The following TSHR variants were observed in gnomAD, a reference collection of about 807,000 sequenced individuals.
TSHR encodes thyrotropin receptor.
Under a neutral mutation model 64.1 loss-of-function variants are expected in TSHR, and 51 were observed. The observed-to-expected ratio is 0.80, with a 90% CI of 0.64 to 1.01. The LOEUF (loss-of-function observed/expected upper bound fraction) is 1.01. TSHR is among the 50% of genes least tolerant of loss of function. The pLI is 0.00. For synonymous variants in TSHR, 361 were observed against 361.9 expected (o/e 1.00, Z 0.03); for missense variants, 877 against 942.8 (o/e 0.93, Z 0.91).
At chr14:81,102,224 G>A (rs1032141015) in intron 7 of TSHR, among the ~76,000 whole-genome samples, 1 of 151,200 alleles carries the variant, frequency 6.6e-6, no homozygotes, top group African/African-American at 2.4e-5. Context: ...AATATTATTA[G>A]AGGATCTGCT....
chr14:80,975,591 C>A (rs1468574290), intron 1 of TSHR, among the ~76,000 whole-genome samples: 1 of 152,184 alleles, frequency 6.6e-6, no homozygotes, highest in Non-Finnish European at 1.5e-5. Context: ...GATTTTTTTA[C>A]TCCCCATTCA....
chr14:81,061,178 C>T (rs886568094), intron 1 of TSHR, among the ~76,000 whole-genome samples: 1 of 152,056 alleles, frequency 6.6e-6, no homozygotes, highest in East Asian at 1.9e-4. Context: ...AGGTAGTAAC[C>T]ATGCTACTAT....
At chr14:81,064,184 C>T (rs1886440054) in intron 2 of TSHR, among the ~76,000 whole-genome samples, 1 of 151,866 alleles carries the variant, frequency 6.6e-6, no homozygotes, top group African/African-American at 2.4e-5. Flanking sequence ...AGGCTGTAGG[C>T]AGGAAGCTAG....
At chr14:81,077,754 G>C (rs927402214) in intron 3 of TSHR, among the ~76,000 whole-genome samples, 1 of 151,932 alleles carries the variant, frequency 6.6e-6, no homozygotes, top group Non-Finnish European at 1.5e-5. Context: ...TCTGTTCTTT[G>C]TTCCTTTATT....
chr14:80,962,253 A>G (rs895985758), intron 1 of TSHR, among the ~76,000 whole-genome samples: 5 of 152,376 alleles, frequency 3.3e-5, no homozygotes, highest in Admixed American at 6.5e-5. Flanking sequence ...CATGTTAAAG[A>G]TTTTAATGAA....
intron 8 of TSHR, among the ~76,000 whole-genome samples, chr14:81,126,910 C>T (rs901867186): frequency 6.6e-6 from 1 of 152,208 alleles, no homozygotes; most frequent in African/African-American, 2.4e-5. Flanking sequence ...ACACACTCTT[C>T]TCAATTTTGG....
At chr14:81,141,978 C>T (rs955241510) in intron 9 of TSHR, among the ~76,000 whole-genome samples, 2 of 152,150 alleles carry the variant, frequency 1.3e-5, no homozygotes, top group African/African-American at 2.4e-5. Flanking sequence ...GAAATAGTCA[C>T]TCCCATTGTC....
At chr14:80,990,290 G>A (rs1028415716) in intron 1 of TSHR, among the ~76,000 whole-genome samples, 16 of 152,330 alleles carry the variant, frequency 1.1e-4, no homozygotes, top group African/African-American at 3.4e-4. Flanking sequence ...ATCCAAGCAA[G>A]GTATCTGTGG....
intron 1 of TSHR, among the ~76,000 whole-genome samples, chr14:81,002,781 C>CTTTT (rs1174635270): frequency 1.4e-4 from 6 of 44,326 alleles, no homozygotes; most frequent in East Asian, 2.0e-3. Flanking sequence ...CCTAATGCCT[C>CTTTT]TTTTTTTTTT....
rs770031421 is a variant in TSHR at position 81,096,648 on chromosome 14, C to T, written c.555C>T (p.Tyr185=). 2 of 1,613,706 alleles carry T rather than the reference C, an allele frequency of 1.2e-6. No homozygotes were observed. Among genetic ancestry groups the T allele is most frequent in the South Asian group, 1.1e-5 (1 of 91,078 alleles). ...LCNETLTLKL[Y]NNGFTSVQGY... ...TCTCTGTTGGTTGTAGGAAGCTGTA[C>T]AACAATGGCTTTACTTCAGTCCAAG... is the stretch of plus-strand genomic sequence containing the variant. The change falls in exon 7 of 10, where the codon TAC becomes TAT. Residue 185 remains tyrosine (Y), a synonymous_variant. Transcript: ENST00000298171.
chr14:80,982,903 A>T, intron 1 of TSHR: 1 of 517,426 alleles, frequency 1.9e-6, no homozygotes, highest in Non-Finnish European at 3.5e-6. Context: ...GGTAAATGGG[A>T]TTAAGCCATT....
At chr14:81,058,300 T>G (rs1019857704) in intron 1 of TSHR, among the ~76,000 whole-genome samples, 2 of 152,210 alleles carry the variant, frequency 1.3e-5, no homozygotes, top group African/African-American at 4.8e-5. Flanking sequence ...AAGGAAACAT[T>G]TGTCATACCT....
rs1028075562 is a variant in TSHR, at chr14:80,966,384, A to G, written c.170+10534A>G. 4.6e-5 allele frequency among the ~76,000 whole-genome samples: 7 copies of G among 152,186 alleles called. No individual in the cohort carries two copies. The East Asian group carries it at 7.7e-4, about 17-fold the overall frequency. On this transcript the variant is annotated intron_variant, in intron 1 of 9. Transcript: ENST00000298171. ...GGCAGTTATTTCTGGGTTTGTGGACATGATCCAAAGATTTGAGATGACCAG... is the reference window on the plus strand; with the variant it reads ...GGCAGTTATTTCTGGGTTTGTGGACGTGATCCAAAGATTTGAGATGACCAG...
chr14:81,024,242 T>C (rs1214049865), intron 1 of TSHR, among the ~76,000 whole-genome samples: 1 of 152,006 alleles, frequency 6.6e-6, no homozygotes, highest in Non-Finnish European at 1.5e-5. Flanking sequence ...GGCATGGTTT[T>C]TTTTTGTTTG....
chr14:81,065,819 C>G (rs775738872), intron 2 of TSHR, among the ~76,000 whole-genome samples: 1 of 152,126 alleles, frequency 6.6e-6, no homozygotes, highest in African/African-American at 2.4e-5. Context: ...TTTGATATAT[C>G]TTGGGGAGAA....
At chr14:81,052,715 T>C (rs926293274) in intron 1 of TSHR, 2 of 152,222 alleles carry the variant, frequency 1.3e-5, no homozygotes, top group Non-Finnish European at 2.9e-5. Context: ...CAATTTCTTT[T>C]ATCAATGTTT....
At chr14:81,054,511 G>C (rs1885635802) in intron 1 of TSHR, among the ~76,000 whole-genome samples, 1 of 152,194 alleles carries the variant, frequency 6.6e-6, no homozygotes, top group African/African-American at 2.4e-5. Flanking sequence ...ATGTGGGAAA[G>C]TTTGGAACTT....
At chr14:80,993,136 T>C (rs1005990260) in intron 1 of TSHR, 2 of 152,202 alleles carry the variant, frequency 1.3e-5, no homozygotes, top group Non-Finnish European at 2.9e-5. Flanking sequence ...TCCAGTGTTG[T>C]CCCAGTAGGC....
At chr14:80,978,379 G>A (rs560278608) in intron 1 of TSHR, among the ~76,000 whole-genome samples, 298 of 152,298 alleles carry the variant, frequency 2.0e-3, no homozygotes, top group Non-Finnish European at 3.7e-3. Flanking sequence ...AACTGTATCA[G>A]TTCAGTTATT....
Sources: allele counts gnomAD v4.1 joint callset (sites outside exome capture counted in the v4.1 genomes callset), GRCh38; gene constraint gnomAD v4.1.1; transcripts MANE v1.5; gene names NCBI Gene and HGNC (gene_info 2026-07-23, HGNC 2026-07-21).